PRELID2: variants seen among roughly 807,000 people sequenced by gnomAD.
PRELID2 encodes PRELI domain-containing protein 2.
A neutral mutation model predicts 28.4 loss-of-function variants in PRELID2; 25 were observed. The ratio of observed to expected loss-of-function variants is 0.88; its 90% CI spans 0.64 to 1.23. The LOEUF (loss-of-function observed/expected upper bound fraction) is 1.23, where lower values mean the gene tolerates loss of function less well. Among genes scored for constraint, PRELID2 ranks in the 50% most tolerant of loss-of-function variants. The probability of loss-of-function intolerance (pLI) is 0.00; values close to 1 mark genes in which losing one functional copy is unlikely to be tolerated. For synonymous variants in PRELID2, 76 were observed against 71.6 expected, an observed-to-expected ratio of 1.06 and a Z score of -0.31; for missense variants, 201 against 214.4, an observed-to-expected ratio of 0.94 and a Z score of 0.39.
rs184196701 is a variant in PRELID2 at position 145,616,495 on chromosome 5, G to A, written n.71-143180C>T. ...TGTCGGCCGGTCTGAGAAATAAAGGGACAAGGTACAAAAGAGAGAAATTTT... is the reference window on the plus strand; with the variant it reads ...TGTCGGCCGGTCTGAGAAATAAAGGAACAAGGTACAAAAGAGAGAAATTTT... On this transcript the variant is annotated intron_variant and non_coding_transcript_variant, in intron 1 of 2. Coordinates refer to the PRELID2 transcript ENST00000510259. Among the ~76,000 whole-genome samples, 113 of 152,214 alleles carry A rather than the reference G, an allele frequency of 7.4e-4. No individual in the cohort carries two copies. The Middle Eastern group carries it at 0.01, about 14-fold the overall frequency.
chr5:145,311,171 G>T, the PRELID2 span, among the ~76,000 whole-genome samples: 1 of 152,110 alleles, frequency 6.6e-6, no homozygotes, highest in South Asian at 2.1e-4. Context: ...TGCTCCCCGT[G>T]GTCACTCAGG....
At chr5:145,502,603 C>T (rs1406477030) in intron 1 of PRELID2, among the ~76,000 whole-genome samples, 3 of 152,084 alleles carry the variant, frequency 2.0e-5, no homozygotes, top group African/African-American at 7.2e-5. Context: ...TGTATACATG[C>T]ATTTTCTTCC....
chr5:145,246,926 C>G, the PRELID2 span, among the ~76,000 whole-genome samples: 1 of 152,130 alleles, frequency 6.6e-6, no homozygotes, highest in Non-Finnish European at 1.5e-5. Context: ...TCCTGGGGAC[C>G]AGTCTGCCTT....
At chr5:145,296,409 T>C in the PRELID2 span, among the ~76,000 whole-genome samples, 1 of 146,386 alleles carries the variant, frequency 6.8e-6, no homozygotes, top group African/African-American at 2.5e-5. Context: ...TTCTCATTGT[T>C]CAATTCCCAC....
chr5:145,604,185 T>G lies in PRELID2; in HGVS notation n.71-130870A>C, dbSNP rs567668032. ...TCACGAGGGTCTGATGTACAGATTA[T>G]TTTATCACGCAGGTAATAAGCATAC... On this transcript the variant is annotated intron_variant and non_coding_transcript_variant, in intron 1 of 2. Transcript: ENST00000510259. Among the ~76,000 whole-genome samples the G allele has an allele frequency of 7.3e-4, 111 of 152,290 alleles. 2 individuals are homozygous for G. The highest frequency in any genetic ancestry group is 2.6e-3 in the African/African-American group (110 of 41,566).
At chr5:145,787,309 C>G (rs1295711087) in intron 5 of PRELID2, among the ~76,000 whole-genome samples, 3 of 152,170 alleles carry the variant, frequency 2.0e-5, no homozygotes, top group Non-Finnish European at 4.4e-5. Context: ...TAAGCCTCCC[C>G]AGAGAAGCAA....
At chr5:145,524,208 C>T (rs188365674) in intron 1 of PRELID2, among the ~76,000 whole-genome samples, 144 of 152,258 alleles carry the variant, frequency 9.5e-4, no homozygotes, top group African/African-American at 3.2e-3. Flanking sequence ...TGGGCAGAGT[C>T]GCAGTCTCAA....
chr5:145,318,413 A>G, the PRELID2 span, among the ~76,000 whole-genome samples: 1 of 152,214 alleles, frequency 6.6e-6, no homozygotes, highest in Non-Finnish European at 1.5e-5. Flanking sequence ...ATCAGTTGGG[A>G]TATTTAAAGA....
chr5:145,411,075 T>C, the PRELID2 span, among the ~76,000 whole-genome samples: 3 of 152,224 alleles, frequency 2.0e-5, no homozygotes, highest in Admixed American at 2.0e-4. Flanking sequence ...TCAGTCATTG[T>C]ATTAGTCTGT....
chr5:145,740,300 A>G (rs1330889154), intron 1 of PRELID2, among the ~76,000 whole-genome samples: 3 of 100,724 alleles, frequency 3.0e-5, no homozygotes, highest in African/African-American at 8.1e-5. Context: ...ATATATATAT[A>G]TATATATATA....
At chr5:145,738,659 G>T (rs1561565248) in intron 1 of PRELID2, among the ~76,000 whole-genome samples, 1 of 151,950 alleles carries the variant, frequency 6.6e-6, no homozygotes, top group East Asian at 1.9e-4. Flanking sequence ...TAAACTGAAA[G>T]AAAAAAGTAG....
At chr5:145,296,649 CAT>C in the PRELID2 span, among the ~76,000 whole-genome samples, 51 of 152,248 alleles carry the variant, frequency 3.3e-4, no homozygotes, top group African/African-American at 1.1e-3. Context: ...CCGCAATAAA[CAT>C]ATGTGTGCAT....
chr5:145,519,316 T>C (rs1449118098), intron 1 of PRELID2, among the ~76,000 whole-genome samples: 1 of 152,222 alleles, frequency 6.6e-6, no homozygotes, highest in Non-Finnish European at 1.5e-5. Flanking sequence ...TTAGGATGTG[T>C]ATAAATAATT....
At position 145,765,060 on chromosome 5, in the gene PRELID2, T is replaced by G. The variant is rs1178599258; in HGVS notation, c.475-60A>C. 22 of 1,172,050 alleles carry G rather than the reference T, an allele frequency of 1.9e-5. 1 individual carries two copies. The highest frequency in any genetic ancestry group is 2.7e-5 in the Non-Finnish European group (22 of 813,008). The allele number at this position is 1,172,050 out of a possible 1,614,324, so 72.6% of individuals were successfully genotyped here. On this transcript the variant is annotated intron_variant, in intron 5 of 6. Coordinates refer to ENST00000683046, the MANE Select transcript of PRELID2 (RefSeq NM_205846.3). ...ATTTCACAGACAAGTACTTTTACAT[T>G]TATCACAACCTTTTCCCTTCAAAGA...
chr5:145,359,054 T>C, the PRELID2 span, among the ~76,000 whole-genome samples: 2 of 152,158 alleles, frequency 1.3e-5, no homozygotes, highest in Non-Finnish European at 2.9e-5. Context: ...AGCTGTCAGC[T>C]TCCATTCCAG....
At chr5:145,503,108 C>G (rs1752374179) in intron 1 of PRELID2, among the ~76,000 whole-genome samples, 1 of 152,116 alleles carries the variant, frequency 6.6e-6, no homozygotes, top group Admixed American at 6.5e-5. Context: ...GTCATCAAAG[C>G]TGGGAGATTA....
At chr5:145,749,329 G>T (rs984030663) in intron 1 of PRELID2, among the ~76,000 whole-genome samples, 1 of 152,086 alleles carries the variant, frequency 6.6e-6, no homozygotes, top group African/African-American at 2.4e-5. Context: ...TACTTCAAAA[G>T]AAGACATTTA....
intron 4 of PRELID2, among the ~76,000 whole-genome samples, chr5:145,802,105 C>T (rs1369469138): frequency 1.3e-5 from 2 of 152,220 alleles, no homozygotes; most frequent in African/African-American, 4.8e-5. Context: ...GTATAAGACT[C>T]ATCCACAATG....
At chr5:145,416,139 T>C in the PRELID2 span, among the ~76,000 whole-genome samples, 14 of 151,632 alleles carry the variant, frequency 9.2e-5, no homozygotes, top group East Asian at 1.9e-4. Context: ...TTTGTTTTTT[T>C]CTTGTAAATT....
Sources: allele counts gnomAD v4.1 joint callset (sites outside exome capture counted in the v4.1 genomes callset), GRCh38; gene constraint gnomAD v4.1.1; transcripts MANE v1.5; gene names NCBI Gene and HGNC (gene_info 2026-07-23, HGNC 2026-07-21).